Variants in ARMH3 observed in about 807,000 individuals in gnomAD.
ARMH3 encodes armadillo like helical domain containing 3.
A neutral mutation model predicts 99.1 loss-of-function variants in ARMH3; 60 were observed. The ratio of observed to expected loss-of-function variants is 0.61; its 90% CI spans 0.49 to 0.75. The LOEUF (loss-of-function observed/expected upper bound fraction) is 0.75, where lower values mean the gene tolerates loss of function less well. Ranked by LOEUF, ARMH3 falls within the 30% of genes least tolerant of loss-of-function variation. The pLI is 0.00. For synonymous variants in ARMH3, 285 were observed against 292.8 expected, an observed-to-expected ratio of 0.97 and a Z score of 0.27; for missense variants, 679 against 843.1, an observed-to-expected ratio of 0.81 and a Z score of 2.41.
chr10:101,938,612 C>T lies in ARMH3; in HGVS notation c.1781+1251G>A, dbSNP rs568013367. The stretch of plus-strand genomic sequence containing the variant: ...CATACCCTAGCCCAGAACCTGGTGA[C>T]CTGGTGCTTCATTCAAACACCCACA... On this transcript the variant is annotated intron_variant, in intron 23 of 25. Coordinates refer to ENST00000370033, the MANE Select transcript of ARMH3 (RefSeq NM_024541.3). 1.1e-3 allele frequency among the ~76,000 whole-genome samples: 163 copies of T among 152,320 alleles called. 1 individual carries two copies. Among genetic ancestry groups the T allele is most frequent in the African/African-American group, 3.8e-3 (158 of 41,576 alleles).
intron 15 of ARMH3, among the ~76,000 whole-genome samples, chr10:102,001,326 CTG>C (rs1210915590): frequency 2.0e-5 from 3 of 152,090 alleles, no homozygotes; most frequent in Non-Finnish European, 4.4e-5. Flanking sequence ...ATAGAATTTG[CTG>C]TGTCTCCTTC....
intron 22 of ARMH3, among the ~76,000 whole-genome samples, chr10:101,940,423 G>C (rs1844185242): frequency 6.6e-6 from 1 of 152,060 alleles, no homozygotes; most frequent in South Asian, 2.1e-4. Flanking sequence ...TCCACATAGA[G>C]GATGGTCATG....
intron 20 of ARMH3, among the ~76,000 whole-genome samples, chr10:101,972,502 TAA>T (rs958125543): frequency 6.6e-6 from 1 of 152,160 alleles, no homozygotes; most frequent in African/African-American, 2.4e-5. Context: ...CTCAAATCCA[TAA>T]GTCTAGAAGG....
intron 23 of ARMH3, among the ~76,000 whole-genome samples, chr10:101,936,466 TG>T (rs1843979604): frequency 7.5e-6 from 1 of 133,454 alleles, no homozygotes; most frequent in Non-Finnish European, 1.5e-5. Flanking sequence ...CACTCCACCC[TG>T]GGCAACAGAG....
chr10:101,975,051 A>AG (rs1263545462), intron 20 of ARMH3, among the ~76,000 whole-genome samples, 161 bp downstream of exon 20: 1 of 144,054 alleles, frequency 6.9e-6, no homozygotes, highest in Non-Finnish European at 1.5e-5. Flanking sequence ...CTAAAACGTA[A>AG]AAAAAAAAAA....
chr10:101,852,195 G>A (rs1354495331), intron 24 of ARMH3, among the ~76,000 whole-genome samples: 3 of 152,232 alleles, frequency 2.0e-5, no homozygotes, highest in African/African-American at 7.2e-5. Context: ...TCATGCTAAA[G>A]TCAATTTCTG....
At chr10:102,052,112 T>A (rs993208486) in intron 1 of ARMH3, among the ~76,000 whole-genome samples, 2 of 152,122 alleles carry the variant, frequency 1.3e-5, no homozygotes. Flanking sequence ...AACGGCACAC[T>A]GTCACTCATA....
intron 1 of ARMH3, among the ~76,000 whole-genome samples, chr10:102,051,355 C>A (rs2067700624): frequency 6.6e-6 from 1 of 151,400 alleles, no homozygotes; most frequent in Non-Finnish European, 1.5e-5. Context: ...GGTCTGTAAT[C>A]CCAGCTACTC....
chr10:101,883,478 G>A (rs2067465996), intron 24 of ARMH3, among the ~76,000 whole-genome samples: 1 of 152,084 alleles, frequency 6.6e-6, no homozygotes, highest in South Asian at 2.1e-4. Flanking sequence ...CAGATAGGAT[G>A]GGGTAGGCAG....
chr10:102,022,251 C>G (rs1276714433), intron 8 of ARMH3, among the ~76,000 whole-genome samples: 2 of 151,826 alleles, frequency 1.3e-5, no homozygotes, highest in African/African-American at 2.4e-5. Context: ...TCTTTCTAAA[C>G]AGATGAACTA....
chr10:102,040,201 AT>A (rs1472807285), intron 1 of ARMH3, 76 bp from the exon 2 acceptor site: 18 of 1,247,428 alleles, frequency 1.4e-5, no homozygotes, highest in Non-Finnish European at 2.1e-5. Context: ...TATGTCATAC[AT>A]TTGTCCAAGC....
At chr10:101,954,653 G>C (rs1844947357) in intron 22 of ARMH3, among the ~76,000 whole-genome samples, 1 of 151,950 alleles carries the variant, frequency 6.6e-6, no homozygotes, top group South Asian at 2.1e-4. Context: ...TAAAAGGGTG[G>C]TTTTTGCCAT....
intron 23 of ARMH3, among the ~76,000 whole-genome samples, chr10:101,933,903 T>A (rs998926579): frequency 4.6e-5 from 7 of 152,246 alleles, no homozygotes; most frequent in African/African-American, 1.7e-4. Flanking sequence ...AGTTGCATCC[T>A]TCAGCTGAAG....
At chr10:101,848,631 T>A (rs1351836544) in intron 25 of ARMH3, among the ~76,000 whole-genome samples, 1 of 152,174 alleles carries the variant, frequency 6.6e-6, no homozygotes, top group Non-Finnish European at 1.5e-5. Context: ...AGCAGGAAAC[T>A]TGAGCTCATT....
At chr10:101,984,062 T>C (rs1030428557) in intron 19 of ARMH3, among the ~76,000 whole-genome samples, 8 of 152,182 alleles carry the variant, frequency 5.3e-5, no homozygotes, top group Non-Finnish European at 1.0e-4. Context: ...TGCTATCTGC[T>C]ACAGAACTGA....
At chr10:101,985,587 G>T (rs2135978042) in intron 19 of ARMH3, among the ~76,000 whole-genome samples, 1 of 152,000 alleles carries the variant, frequency 6.6e-6, no homozygotes, top group African/African-American at 2.4e-5. Context: ...GGTGGTGCAA[G>T]CCTGTAGTCC....
At chr10:102,013,270 A>G (rs979301129) in intron 9 of ARMH3, among the ~76,000 whole-genome samples, 1 of 152,256 alleles carries the variant, frequency 6.6e-6, no homozygotes. Context: ...ATGAAGGTGC[A>G]CATAGATAAG....
intron 2 of ARMH3, among the ~76,000 whole-genome samples, chr10:102,036,296 T>TG (rs1027166486): frequency 5.5e-5 from 8 of 146,650 alleles, no homozygotes; most frequent in Middle Eastern, 3.8e-3. Flanking sequence ...GTCCAGGAGG[T>TG]GGGGGGCGCC....
At chr10:102,006,425 C>A (rs2136084697) in intron 14 of ARMH3, 115 bp downstream of exon 14, 2 of 1,188,092 alleles carry the variant, frequency 1.7e-6, no homozygotes, top group Non-Finnish European at 2.4e-6. Context: ...TACTACAGAC[C>A]AATTTAGTGG....
Sources: allele counts gnomAD v4.1 joint callset (sites outside exome capture counted in the v4.1 genomes callset), GRCh38; gene constraint gnomAD v4.1.1; transcripts MANE v1.5; gene names NCBI Gene and HGNC (gene_info 2026-07-23, HGNC 2026-07-21).